Variants in AUTS2 observed in about 807,000 individuals in gnomAD.
The protein encoded by AUTS2 is autism susceptibility gene 2 protein.
In AUTS2, 17 loss-of-function variants were observed where a neutral mutation model predicts 112.4. That is an observed-to-expected ratio of 0.15 (90% confidence interval 0.10 to 0.23). AUTS2 has a LOEUF of 0.23. Among genes scored for constraint, AUTS2 ranks in the 10% least tolerant of loss-of-function variants. The pLI is 1.00. For missense variants in AUTS2, 1,510 were observed against 1,701.6 expected, an observed-to-expected ratio of 0.89 and a Z score of 1.98; for synonymous variants, 751 against 702.7, an observed-to-expected ratio of 1.07 and a Z score of -1.09.
intron 14 of AUTS2, among the ~76,000 whole-genome samples, chr7:70,777,879 T>G (rs538427262): frequency 1.1e-3 from 175 of 152,364 alleles, no homozygotes; most frequent in African/African-American, 4.1e-3. Flanking sequence ...TTTGGGTTTT[T>G]GTAAAAATAG....
chr7:70,583,709 C>T (rs1287734681), intron 5 of AUTS2, among the ~76,000 whole-genome samples: 5 of 152,196 alleles, frequency 3.3e-5, no homozygotes, highest in African/African-American at 1.2e-4. Context: ...CGCTGAAACC[C>T]GCACCGCACG....
At chr7:70,407,983 G>A (rs900729657) in intron 4 of AUTS2, among the ~76,000 whole-genome samples, 8 of 151,514 alleles carry the variant, frequency 5.3e-5, no homozygotes, top group South Asian at 2.1e-4. Flanking sequence ...GAACCCGGGC[G>A]GCAGAGCTTG....
At chr7:69,876,533 TA>T (rs1216721306) in intron 1 of AUTS2, among the ~76,000 whole-genome samples, 5 of 51,746 alleles carry the variant, frequency 9.7e-5, no homozygotes, top group South Asian at 1.2e-3. Context: ...TATATATATA[TA>T]TATATATATA....
intron 5 of AUTS2, among the ~76,000 whole-genome samples, chr7:70,590,904 G>A (rs928964468): frequency 3.9e-5 from 6 of 152,048 alleles, no homozygotes; most frequent in African/African-American, 1.4e-4. Context: ...ATGTTTCATT[G>A]TATTGATATT....
rs190551982 is a variant in AUTS2, at chr7:70,367,604, A to G, written c.661-68148A>G. On this transcript the variant is annotated intron_variant, in intron 4 of 18. Transcript: ENST00000342771. ...ATAATAATAATAATAATACTGATTTATGAAATCACTGATGAAGAACGTAGT... is the reference window on the plus strand; with the variant it reads ...ATAATAATAATAATAATACTGATTTGTGAAATCACTGATGAAGAACGTAGT... Among the ~76,000 whole-genome samples, 18 of 152,028 alleles carry G rather than the reference A, an allele frequency of 1.2e-4. 1 individual carries two copies. Among genetic ancestry groups the G allele is most frequent in the South Asian group, 4.2e-4 (2 of 4,818 alleles).
chr7:70,141,867 A>G (rs1284328566), intron 4 of AUTS2, among the ~76,000 whole-genome samples: 1 of 152,222 alleles, frequency 6.6e-6, no homozygotes, highest in Non-Finnish European at 1.5e-5. Flanking sequence ...ACATTTAAAC[A>G]TTTGTAGAAT....
At chr7:69,882,432 G>A (rs1184417953) in intron 1 of AUTS2, among the ~76,000 whole-genome samples, 3 of 152,068 alleles carry the variant, frequency 2.0e-5, no homozygotes, top group Admixed American at 6.6e-5. Flanking sequence ...CAACCCCAAG[G>A]CAACACTATA....
chr7:69,875,021 A>G (rs2129536531), intron 1 of AUTS2, among the ~76,000 whole-genome samples: 1 of 150,148 alleles, frequency 6.7e-6, no homozygotes, highest in East Asian at 2.0e-4. Flanking sequence ...ATTGACTATA[A>G]TCTACCCCCA....
chr7:70,790,326 T>G lies in AUTS2; in HGVS notation c.3110T>G (p.Ile1037Ser), dbSNP rs1350504764. ...GVTGIHPMNS[I>S]SSLDRTRMMT... is the part of the protein sequence containing the mutation. ...ACGGGCATTCACCCCATGAACAGCA[T>G]CAGCAGCCTGGACAGGACTCGCATG... is the stretch of plus-strand genomic sequence containing the variant. The change falls in exon 19 of 19, where the codon ATC becomes AGC. Residue 1037 changes from isoleucine to serine, a missense_variant. Transcript: ENST00000342771. This position sits in a 1 kb window ranked among gnomAD's most constrained non-coding sequence, Gnocchi z 7.6. 1 of 1,613,678 alleles carries G rather than the reference T, an allele frequency of 6.2e-7. No individual in the cohort carries two copies. The highest frequency in any genetic ancestry group is 2.2e-5 in the East Asian group (1 of 44,828).
At chr7:70,721,488 C>T (rs1405695894) in intron 6 of AUTS2, among the ~76,000 whole-genome samples, 3 of 152,100 alleles carry the variant, frequency 2.0e-5, no homozygotes, top group African/African-American at 7.2e-5. Flanking sequence ...TTAGTAGAGA[C>T]CGGTTTTCAC....
intron 1 of AUTS2, among the ~76,000 whole-genome samples, chr7:69,780,482 G>A (rs917263945): frequency 3.3e-5 from 5 of 152,210 alleles, no homozygotes; most frequent in African/African-American, 1.2e-4. Context: ...TCCTGGGAAG[G>A]ATGATGTAAC....
intron 5 of AUTS2, among the ~76,000 whole-genome samples, chr7:70,485,454 C>G (rs750693564): frequency 6.6e-6 from 1 of 152,010 alleles, no homozygotes; most frequent in Non-Finnish European, 1.5e-5. Flanking sequence ...ATATATTGGA[C>G]TTTGGGGACT....
intron 5 of AUTS2, among the ~76,000 whole-genome samples, chr7:70,549,333 C>G (rs1800924419): frequency 1.3e-5 from 2 of 152,108 alleles, no homozygotes; most frequent in Non-Finnish European, 2.9e-5. Context: ...TTGCTTCTTT[C>G]TTGTCCATAT....
At chr7:70,407,535 T>A (rs1461423603) in intron 4 of AUTS2, among the ~76,000 whole-genome samples, 1 of 152,186 alleles carries the variant, frequency 6.6e-6, no homozygotes, top group Non-Finnish European at 1.5e-5. Flanking sequence ...GTCTATAGTG[T>A]GTTTGTGTAC....
chr7:69,791,719 A>G (rs906075122), intron 1 of AUTS2, among the ~76,000 whole-genome samples: 5 of 152,214 alleles, frequency 3.3e-5, no homozygotes, highest in African/African-American at 7.2e-5. Flanking sequence ...ACACATGACT[A>G]TAGTCTCTCC....
At chr7:70,121,429 T>C (rs1331560995) in intron 3 of AUTS2, among the ~76,000 whole-genome samples, 1 of 152,082 alleles carries the variant, frequency 6.6e-6, no homozygotes, top group Non-Finnish European at 1.5e-5. Flanking sequence ...GGGAAAAGAT[T>C]TGCAAATCAT....
chr7:70,209,344 G>C (rs1413133963), intron 4 of AUTS2, among the ~76,000 whole-genome samples: 2 of 152,146 alleles, frequency 1.3e-5, no homozygotes, highest in Non-Finnish European at 2.9e-5. Context: ...GTGAAGCAGG[G>C]AATAATTTTG....
chr7:70,618,124 C>T lies in AUTS2; in HGVS notation c.691-80445C>T, dbSNP rs150636676. Among the ~76,000 whole-genome samples the T allele has an allele frequency of 6.6e-3, 1,002 of 152,280 alleles. 10 individuals are homozygous for T. The highest frequency in any genetic ancestry group is 0.03 in the South Asian group (145 of 4,824). On this transcript the variant is annotated intron_variant, in intron 5 of 18. Transcript: ENST00000342771. Reference sequence around the variant, plus strand: ...CTTAGACCAGGCTTTTGACATCTACCAGTGTGCACACTTACCAATTAACAG... The same window carrying T: ...CTTAGACCAGGCTTTTGACATCTACTAGTGTGCACACTTACCAATTAACAG...
intron 1 of AUTS2, among the ~76,000 whole-genome samples, chr7:69,777,197 G>T (rs183142149): frequency 1.3e-5 from 2 of 152,292 alleles, no homozygotes; most frequent in East Asian, 3.9e-4. Flanking sequence ...AAGGCTGCCA[G>T]TATGTGCACG....
Sources: gnomAD v4.1 joint callset for allele counts (sites outside exome capture counted in the v4.1 genomes callset) on GRCh38, gnomAD v4.1.1 for gene constraint, Gnocchi (gnomAD v3.1) non-coding constraint, MANE v1.5 for transcripts, NCBI Gene and HGNC (gene_info 2026-07-23, HGNC 2026-07-21) for gene names.